MIR17HG: variants seen among roughly 807,000 people sequenced by gnomAD.
MIR17HG encodes miR-17-92a-1 cluster host gene.
chr13:91,349,119 C>G (rs1462748544), intron 1 of MIR17HG, among the ~76,000 whole-genome samples: 1 of 151,998 alleles, frequency 6.6e-6, no homozygotes, highest in Admixed American at 6.5e-5. Context: ...CCCCCTTGTG[C>G]GACATGTGCT....
chr13:91,352,177 G>C (rs983224263), intron 3 of MIR17HG: 2 of 152,192 alleles, frequency 1.3e-5, no homozygotes, highest in African/African-American at 2.4e-5. Flanking sequence ...ACGTAAGCCA[G>C]ACTTTGGCAA....
intron 1 of MIR17HG, among the ~76,000 whole-genome samples, chr13:91,348,450 G>C (rs1268824511): frequency 1.3e-5 from 2 of 151,128 alleles, no homozygotes; most frequent in Non-Finnish European, 3.0e-5. Flanking sequence ...GCCGCGGGCC[G>C]GGAGGGGGCG....
chr13:91,350,711 G>A (rs1478708421), intron 3 of MIR17HG: 1 of 533,904 alleles, frequency 1.9e-6, no homozygotes, highest in Non-Finnish European at 3.9e-6. Context: ...AAGCCAAGTT[G>A]GGCTTTAAAG....
intron 3 of MIR17HG, among the ~76,000 whole-genome samples, chr13:91,353,582 C>G (rs935395411): frequency 3.9e-5 from 6 of 152,142 alleles, no homozygotes; most frequent in African/African-American, 1.4e-4. Context: ...TAAAAAGATT[C>G]ACATTGTTAA....
intron 3 of MIR17HG, chr13:91,350,461 C>A (rs1335466243): frequency 1.5e-5 from 6 of 396,238 alleles, no homozygotes; most frequent in Non-Finnish European, 3.1e-5. Flanking sequence ...GATAATTAAA[C>A]TAATTTTTTC....
chr13:91,348,330 G>A (rs1166521925), intron 1 of MIR17HG, among the ~76,000 whole-genome samples: 2 of 150,598 alleles, frequency 1.3e-5, no homozygotes, highest in East Asian at 2.0e-4. Flanking sequence ...CTTCTCCGGG[G>A]CCCGGGGCGC....
At chr13:91,350,396 C>A (rs1383349840) in intron 3 of MIR17HG, 2 of 333,718 alleles carry the variant, frequency 6.0e-6, no homozygotes, top group South Asian at 2.5e-5. Context: ...TGATTGCCTT[C>A]TGTAAAGAAT....
At chr13:91,354,019 T>C (rs1703854403) in exon 4 of MIR17HG, 1 of 152,712 alleles carries the variant, frequency 6.5e-6, no homozygotes. Flanking sequence ...AGCCTGCAAC[T>C]TCCTGGAGAA....
At chr13:91,348,209 G>C (rs1434768903) in intron 1 of MIR17HG, among the ~76,000 whole-genome samples, 1 of 149,056 alleles carries the variant, frequency 6.7e-6, no homozygotes, top group Non-Finnish European at 1.5e-5. Flanking sequence ...CGGCGTGCGC[G>C]TGGCGGCCGC....
At chr13:91,350,646 T>G (rs371185425) in intron 3 of MIR17HG, 1 of 534,712 alleles carries the variant, frequency 1.9e-6, no homozygotes. Context: ...GGTAGTGATA[T>G]GTGCATCTAC....
chr13:91,350,892 C>T (rs750595412), intron 3 of MIR17HG: 15 of 534,574 alleles, frequency 2.8e-5, no homozygotes, highest in South Asian at 2.0e-4. Context: ...TTTTTGTTTG[C>T]AGTCCTCTGT....
chr13:91,348,817 G>C (rs1379027758), intron 1 of MIR17HG, among the ~76,000 whole-genome samples: 1 of 149,892 alleles, frequency 6.7e-6, no homozygotes, highest in African/African-American at 2.4e-5. Flanking sequence ...GAGGGCGGGG[G>C]ACATGGCGGC....
rs1424825141 is a variant in MIR17HG at position 91,353,051 on chromosome 13, AG to A, written n.285-881del. On this transcript the variant is annotated intron_variant and non_coding_transcript_variant, in intron 3 of 3. Transcript: ENST00000400282. ...CCTGAACCTGGGAGGTGGAGGTTTC[AG>A]TGAGCTGAGATCCTGCCACTGCACT... is the stretch of plus-strand genomic sequence containing the variant. Among the ~76,000 whole-genome samples the A allele has an allele frequency of 2.1e-5, 3 of 140,966 alleles. No individual in the cohort carries two copies. The East Asian group carries it at 7.1e-4, about 33-fold the overall frequency. 92.5% of individuals were successfully genotyped at this position (140,966 alleles called of 152,430 possible).
chr13:91,353,534 A>C (rs575821859), intron 3 of MIR17HG, among the ~76,000 whole-genome samples: 1 of 152,370 alleles, frequency 6.6e-6, no homozygotes, highest in South Asian at 2.1e-4. Flanking sequence ...TTTCTTAGGC[A>C]TGCTAACATG....
At chr13:91,351,692 C>G (rs953630860) in intron 3 of MIR17HG, 2 of 221,946 alleles carry the variant, frequency 9.0e-6, no homozygotes, top group African/African-American at 4.4e-5. Context: ...TTTTTGCTTT[C>G]TTTGGAGTTA....
At chr13:91,349,003 C>A (rs1357552703) in intron 1 of MIR17HG, among the ~76,000 whole-genome samples, 1 of 149,120 alleles carries the variant, frequency 6.7e-6, no homozygotes, top group Non-Finnish European at 1.5e-5. Context: ...CCGGTCGCCG[C>A]GCGGCTGCCG....
upstream of MIR17HG, chr13:91,347,798 G>C (rs1375061583): frequency 1.3e-5 from 2 of 151,504 alleles, no homozygotes; most frequent in Non-Finnish European, 2.9e-5. Flanking sequence ...CCGCAGCGCC[G>C]CCGGGGCTCG....
chr13:91,350,930 G>C, intron 3 of MIR17HG: 1 of 534,432 alleles, frequency 1.9e-6, no homozygotes, highest in Non-Finnish European at 3.8e-6. Context: ...ACTACAAGAA[G>C]AATGTAGTTG....
chr13:91,348,631 G>A (rs1875093242), intron 1 of MIR17HG, among the ~76,000 whole-genome samples: 1 of 150,922 alleles, frequency 6.6e-6, no homozygotes, highest in Non-Finnish European at 1.5e-5. Flanking sequence ...GCCTCGGGGC[G>A]GGGCCCGCAA....
Sources: gnomAD v4.1 joint callset for allele counts (sites outside exome capture counted in the v4.1 genomes callset) on GRCh38, gnomAD v4.1.1 for gene constraint, MANE v1.5 for transcripts, NCBI Gene and HGNC (gene_info 2026-07-23, HGNC 2026-07-21) for gene names.